The following DNAJC18 variants were observed in gnomAD, a reference collection of about 807,000 sequenced individuals.
DNAJC18 encodes the protein DnaJ heat shock protein family (Hsp40) member C18.
In DNAJC18, 40 loss-of-function variants were observed where a neutral mutation model predicts 48.6. That is an observed-to-expected ratio of 0.82 (90% CI 0.64 to 1.07). DNAJC18 has a LOEUF of 1.07. DNAJC18 is among the 50% of genes least tolerant of loss of function. The pLI, the probability that DNAJC18 is intolerant of heterozygous loss-of-function variation, is 0.00. For missense variants in DNAJC18, 340 were observed against 427.7 expected (o/e 0.79, Z 1.81); for synonymous variants, 135 against 152.2 (o/e 0.89, Z 0.83).
intron 2 of DNAJC18, 24 bp downstream of exon 2, chr5:139,437,348 C>A: frequency 6.3e-7 from 1 of 1,578,556 alleles, no homozygotes; most frequent in Non-Finnish European, 8.6e-7. Flanking sequence ...TAAAATCACT[C>A]ATTTAATCTC....
intron 2 of DNAJC18, among the ~76,000 whole-genome samples, chr5:139,430,288 A>G (rs1358872537): frequency 6.6e-6 from 1 of 152,226 alleles, no homozygotes; most frequent in African/African-American, 2.4e-5. Context: ...GACAAGTAAC[A>G]TGTTTATATC....
intron 2 of DNAJC18, 147 bp from the exon 3 acceptor site, chr5:139,428,830 T>G: frequency 1.0e-6 from 1 of 1,001,450 alleles, no homozygotes; most frequent in Non-Finnish European, 1.4e-6. Context: ...ACATTCAAAT[T>G]CATTAACAAT....
At position 139,423,721 on chromosome 5, in the gene DNAJC18, A is replaced by G. The variant is rs545310816; in HGVS notation, c.670-904T>C. On this transcript the variant is annotated intron_variant, in intron 5 of 7. Coordinates refer to ENST00000302060, the MANE Select transcript of DNAJC18 (RefSeq NM_152686.4). ...TTTCAGATTAGGAATTGTCAAATATATAATGGTATAATGCAAATTTCCAAA... is the reference window on the plus strand; with the variant it reads ...TTTCAGATTAGGAATTGTCAAATATGTAATGGTATAATGCAAATTTCCAAA... Among the ~76,000 whole-genome samples, 3 of 151,756 alleles carry G rather than the reference A, an allele frequency of 2.0e-5. No homozygotes were observed. In the South Asian group the frequency reaches 6.2e-4, roughly 32 times the overall value.
Position 139,437,609 on chromosome 5 carries a change from CT to C in DNAJC18, c.41-52del, listed in dbSNP as rs773788902. ...GTCTCCATCTGACCCTGAAAATCAA[CT>C]TTGCAACCTGCCTTTCCTCTCTGGG... On this transcript the variant is annotated intron_variant, in intron 1 of 7. Transcript: ENST00000302060. 3.2e-6 allele frequency: 5 copies of C among 1,557,334 alleles called. No individual in the cohort carries two copies. The South Asian group carries it at 6.1e-5, about 19-fold the overall frequency.
chr5:139,422,400 C>A (rs1341972507), intron 6 of DNAJC18, among the ~76,000 whole-genome samples: 1 of 152,186 alleles, frequency 6.6e-6, no homozygotes, highest in Non-Finnish European at 1.5e-5. Context: ...CTAACTCTAC[C>A]ATGGTGTGAT....
At chr5:139,428,134 C>G (rs551300147) in intron 3 of DNAJC18, among the ~76,000 whole-genome samples, 2 of 152,288 alleles carry the variant, frequency 1.3e-5, no homozygotes, top group South Asian at 4.1e-4. Flanking sequence ...CAGTGGCTCA[C>G]GCCTGTAATA....
chr5:139,424,497 G>A (rs943058528), intron 5 of DNAJC18, among the ~76,000 whole-genome samples: 3 of 152,146 alleles, frequency 2.0e-5, no homozygotes, highest in African/African-American at 7.2e-5. Flanking sequence ...GGAAGCCAAG[G>A]CAGGAGGATC....
chr5:139,435,730 T>TTTTTTTTTTTTTTTTTTTTTTTTTTTC, intron 2 of DNAJC18, among the ~76,000 whole-genome samples: 1 of 131,852 alleles, frequency 7.6e-6, no homozygotes, highest in East Asian at 2.6e-4. Flanking sequence ...TTTTTTTTTT[T>TTTTTTTTTTTTTTTTTTTTTTTTTTTC]TTCAGACAAG....
In DNAJC18 at chr5:139,414,262, C is replaced by T. The variant is rs1759038949; in HGVS notation, c.963G>A (p.Leu321=). 3 of 1,613,066 alleles carry T rather than the reference C, an allele frequency of 1.9e-6. No homozygotes were observed. Among genetic ancestry groups the T allele is most frequent in the Non-Finnish European group, 2.5e-6 (3 of 1,179,748 alleles). The change falls in exon 8 of 8, where the codon CTG becomes CTA. Residue 321 remains leucine (L), a synonymous_variant. Coordinates refer to ENST00000302060, the MANE Select transcript of DNAJC18 (RefSeq NM_152686.4). ...CTCTGTATAATCCTGCCAAATTTGT[C>T]AGCTCTGACTCTGAAAGATAAAAGA... ...CWKEKQQKSE[L]TNLAGLYRDE... is the part of the protein sequence containing the mutation.
chr5:139,425,695 T>C (rs1264426203), intron 4 of DNAJC18, among the ~76,000 whole-genome samples: 2 of 152,330 alleles, frequency 1.3e-5, no homozygotes, highest in East Asian at 3.9e-4. Flanking sequence ...CTATCTGGCA[T>C]GTTCACGTCT....
chr5:139,418,891 A>G (rs1341709479), intron 7 of DNAJC18: 4 of 455,684 alleles, frequency 8.8e-6, no homozygotes, highest in Non-Finnish European at 1.3e-5. Flanking sequence ...ATAGTCTTGC[A>G]GGGGAGACTG....
In DNAJC18 at chr5:139,428,695, C is replaced by T. The variant is rs780377946; in HGVS notation, c.228-12G>A. On this transcript the variant is annotated splice_polypyrimidine_tract_variant and intron_variant, in intron 2 of 7. Transcript: ENST00000302060. Reference sequence around the variant, plus strand: ...TGCATTTCTTGATCCTAAAAAAAATCACAAGCATGTATGTCTATAAAGGTC... The same window carrying T: ...TGCATTTCTTGATCCTAAAAAAAATTACAAGCATGTATGTCTATAAAGGTC... 7 of 1,608,008 alleles carry T rather than the reference C, an allele frequency of 4.4e-6. No homozygotes were observed. The highest frequency in any genetic ancestry group is 1.7e-4 in the Middle Eastern group (1 of 5,960).
rs199654488 is a variant in DNAJC18 at position 139,437,567 on chromosome 5, A to G, written c.41-9T>C. 455 of 1,607,866 alleles carry G rather than the reference A, an allele frequency of 2.8e-4. 1 individual carries two copies. In the African/African-American group the frequency reaches 5.5e-3, roughly 19 times the overall value. On this transcript the variant is annotated splice_polypyrimidine_tract_variant and intron_variant, in intron 1 of 7. Transcript: ENST00000302060. ...AACTGCGTCAATGTAAGCTGCAAACAACAGCCCCTCCATTAGGTCTCCATC... is the reference window on the plus strand; with the variant it reads ...AACTGCGTCAATGTAAGCTGCAAACGACAGCCCCTCCATTAGGTCTCCATC...
In DNAJC18 at chr5:139,410,529, C is replaced by G. The variant is rs1470970955; in HGVS notation, c.*3619G>C. 2 of 152,092 alleles carry G rather than the reference C, an allele frequency of 1.3e-5. No individual in the cohort carries two copies. The highest frequency in any genetic ancestry group is 6.5e-5 in the Admixed American group (1 of 15,276). The allele number at this position is 152,092 out of a possible 1,614,324, so 9.4% of individuals were successfully genotyped here. A position where few individuals can be genotyped will look rare whatever the true frequency, so the allele number is the denominator to read the frequency against. On this transcript the variant is annotated 3_prime_UTR_variant, in exon 8 of 8. Coordinates refer to ENST00000302060, the MANE Select transcript of DNAJC18 (RefSeq NM_152686.4). ...ATATATTAGGACACTAAGCTTATACCTTAAATGAGGGCAGAATAAATATGA... is the reference window on the plus strand; with the variant it reads ...ATATATTAGGACACTAAGCTTATACGTTAAATGAGGGCAGAATAAATATGA...
Position 139,414,247 on chromosome 5 carries a change from T to A in DNAJC18, c.978A>T (p.Gly326=), listed in dbSNP as rs746139296. Residue 326 remains glycine (G), a synonymous_variant, in exon 8 of 8, where the codon GGA becomes GGT. Coordinates refer to ENST00000302060, the MANE Select transcript of DNAJC18 (RefSeq NM_152686.4). ...QQKSELTNLA[G]LYRDERLKQK... ...GTTTCAATCGTTCATCTCTGTATAA[T>A]CCTGCCAAATTTGTCAGCTCTGACT... The A allele has an allele frequency of 4.3e-6, 7 of 1,613,616 alleles. No individual in the cohort carries two copies. The African/African-American group carries it at 6.7e-5, about 15-fold the overall frequency.
At chr5:139,424,976 GGCAGCAGT>G in intron 5 of DNAJC18, 21 bp downstream of exon 5, 2 of 1,589,068 alleles carry the variant, frequency 1.3e-6, no homozygotes, top group Non-Finnish European at 1.7e-6. Context: ...ACTGTTTATG[GGCAGCAGT>G]GCTCCTCCCT....
At chr5:139,436,730 TAGTTCCTTAA>T (rs1750666898) in intron 2 of DNAJC18, among the ~76,000 whole-genome samples, 1 of 151,944 alleles carries the variant, frequency 6.6e-6, no homozygotes, top group Admixed American at 6.6e-5. Context: ...CCAGGCTGTC[TAGTTCCTTAA>T]GGTAGATTAG....
intron 2 of DNAJC18, among the ~76,000 whole-genome samples, chr5:139,436,515 CTTTTT>C (rs57926576): frequency 4.4e-5 from 3 of 67,636 alleles, no homozygotes; most frequent in East Asian, 4.4e-4. Context: ...ATCCCTCTTT[CTTTTT>C]TTTTTTTTTT....
chr5:139,439,153 G>A lies in DNAJC18; in HGVS notation c.40+253C>T, dbSNP rs1750740329. On this transcript the variant is annotated intron_variant, in intron 1 of 7. Coordinates refer to ENST00000302060, the MANE Select transcript of DNAJC18 (RefSeq NM_152686.4). The surrounding 1 kb of genome is among the most constrained non-coding windows in gnomAD (Gnocchi z 4.1). ...GCATGGGCGGGGCCTGACAGCTGCG[G>A]GCCCTGGGCGGGGCACGGGCGGGGG... is the stretch of plus-strand genomic sequence containing the variant. Among the ~76,000 whole-genome samples, 2 of 152,208 alleles carry A rather than the reference G, an allele frequency of 1.3e-5. No homozygotes were observed. The highest frequency in any genetic ancestry group is 4.1e-4 in the South Asian group (2 of 4,828).
Sources: allele counts gnomAD v4.1 joint callset (sites outside exome capture counted in the v4.1 genomes callset), GRCh38; gene constraint gnomAD v4.1.1; non-coding constraint Gnocchi (gnomAD v3.1); transcripts MANE v1.5; gene names NCBI Gene and HGNC (gene_info 2026-07-23, HGNC 2026-07-21).